POTEI: variants seen among roughly 807,000 people sequenced by gnomAD.
POTEI encodes the protein POTE ankyrin domain family, member I.
Under a neutral mutation model 43.4 loss-of-function variants are expected in POTEI, and 14 were observed. The ratio of observed to expected loss-of-function variants is 0.32; its 90% CI spans 0.21 to 0.50. POTEI has a LOEUF of 0.50. POTEI is among the 20% of genes least tolerant of loss of function. POTEI has a pLI of 0.98. For synonymous variants in POTEI, 95 were observed against 297.9 expected (o/e 0.32, Z 7.01); for missense variants, 235 against 795.4 (o/e 0.30, Z 8.47).
At chr2:130,502,030 A>C (rs1455493786) in intron 3 of POTEI, among the ~76,000 whole-genome samples, 3 of 41,230 alleles carry the variant, frequency 7.3e-5, no homozygotes, top group Non-Finnish European at 2.0e-4. Flanking sequence ...TTATGTATTG[A>C]GTGGTTCTTA....
In POTEI at chr2:130,461,226, G is replaced by T. The variant is rs1442379752; in HGVS notation, c.*1590C>A. On this transcript the variant is annotated 3_prime_UTR_variant, in exon 15 of 15. Coordinates refer to ENST00000451531, the MANE Select transcript of POTEI (RefSeq NM_001277406.2). ...TTTTATAGAGCAGCTGTGCTGTGCT[G>T]GGGGTTCACTTCAGCCCCTGGTCCG... 6.6e-6 allele frequency: 1 copy of T among 151,298 alleles called. No individual in the cohort carries two copies. The highest frequency in any genetic ancestry group is 1.5e-5 in the Non-Finnish European group (1 of 68,022). 9.4% of individuals were successfully genotyped at this position (151,298 alleles called of 1,614,324 possible).
chr2:130,477,097 C>T (rs1683218793), intron 10 of POTEI, among the ~76,000 whole-genome samples: 1 of 151,104 alleles, frequency 6.6e-6, no homozygotes, highest in South Asian at 2.1e-4. Flanking sequence ...ACAACGTCTT[C>T]CTAATATCTA....
chr2:130,468,692 A>G (rs1216902591), intron 13 of POTEI, among the ~76,000 whole-genome samples: 1 of 127,524 alleles, frequency 7.8e-6, no homozygotes, highest in Non-Finnish European at 1.7e-5. Flanking sequence ...AGAAACACAA[A>G]GCCAAACTAT....
At chr2:130,484,189 C>T (rs1381602856) in intron 9 of POTEI, among the ~76,000 whole-genome samples, 1 of 149,896 alleles carries the variant, frequency 6.7e-6, no homozygotes, top group Non-Finnish European at 1.5e-5. Flanking sequence ...AGAGTCCCTG[C>T]TGAGAAAGGG....
At position 130,461,494 on chromosome 2, in the gene POTEI, C is replaced by T. The variant is rs1426618468; in HGVS notation, c.*1322G>A. Reference sequence around the variant, plus strand: ...GTTTTGGTAGCGTGGCTGTGCTGTGCTGAGGTACCTCTTCCACCCCTTGTC... The same window carrying T: ...GTTTTGGTAGCGTGGCTGTGCTGTGTTGAGGTACCTCTTCCACCCCTTGTC... On this transcript the variant is annotated 3_prime_UTR_variant, in exon 15 of 15. Transcript: ENST00000451531. 2 of 152,288 alleles carry T rather than the reference C, an allele frequency of 1.3e-5. No homozygotes were observed. Among genetic ancestry groups the T allele is most frequent in the Admixed American group, 6.5e-5 (1 of 15,292 alleles). 9.4% of individuals were successfully genotyped at this position (152,288 alleles called of 1,614,324 possible).
chr2:130,492,903 A>G (rs1268919118), intron 6 of POTEI, among the ~76,000 whole-genome samples: 2 of 151,686 alleles, frequency 1.3e-5, no homozygotes, highest in African/African-American at 2.4e-5. Flanking sequence ...ATTTCTATCT[A>G]GTCTTCCTAC....
intron 1 of POTEI, 117 bp downstream of exon 1, chr2:130,508,598 C>T: frequency 1.6e-6 from 1 of 615,980 alleles, no homozygotes; most frequent in Non-Finnish European, 2.3e-6. Flanking sequence ...TTTCCACAAC[C>T]AGGGTGCTGT....
chr2:130,464,590 C>T (rs1324245389), intron 14 of POTEI, among the ~76,000 whole-genome samples: 2 of 150,822 alleles, frequency 1.3e-5, no homozygotes, highest in Non-Finnish European at 2.9e-5. Flanking sequence ...CTTAGCTATG[C>T]ATATATTTGG....
intron 10 of POTEI, among the ~76,000 whole-genome samples, chr2:130,479,327 A>C (rs1683317079): frequency 1.3e-5 from 2 of 149,464 alleles, no homozygotes; most frequent in South Asian, 4.3e-4. Flanking sequence ...CAACATAGTA[A>C]AATGAGTAAC....
chr2:130,478,961 T>C (rs1480879065), intron 10 of POTEI, among the ~76,000 whole-genome samples: 4 of 103,250 alleles, frequency 3.9e-5, no homozygotes, highest in Admixed American at 3.2e-4. Context: ...AATATTCCAT[T>C]AAACATGCAT....
In POTEI at chr2:130,462,224, T is replaced by G. The variant is rs1471520745; in HGVS notation, c.*592A>C. ...CTGAAATACTGTGCTTCCTCAATTT[T>G]TTTTAAGGTGTGCACTTTTATCCAA... On this transcript the variant is annotated 3_prime_UTR_variant, in exon 15 of 15. Transcript: ENST00000451531. 3.8e-4 allele frequency: 52 copies of G among 137,018 alleles called. No homozygotes were observed. Among genetic ancestry groups the G allele is most frequent in the African/African-American group, 8.8e-4 (32 of 36,448 alleles). 8.5% of individuals were successfully genotyped at this position (137,018 alleles called of 1,614,324 possible).
intron 1 of POTEI, among the ~76,000 whole-genome samples, chr2:130,507,427 TATATC>T (rs1684220716): frequency 9.3e-6 from 1 of 108,072 alleles, no homozygotes; most frequent in Non-Finnish European, 1.9e-5. Flanking sequence ...TATATATATA[TATATC>T]TGCGTATATA....
chr2:130,480,530 T>A (rs1683376134), intron 10 of POTEI, among the ~76,000 whole-genome samples: 1 of 145,368 alleles, frequency 6.9e-6, no homozygotes. Context: ...TCACTCCATG[T>A]TCCTTCTGCC....
rs565015017 is a variant in POTEI at position 130,460,111 on chromosome 2, T to G, written c.*2705A>C. 6.6e-6 allele frequency: 1 copy of G among 150,960 alleles called. No individual in the cohort carries two copies. The highest frequency in any genetic ancestry group is 1.5e-5 in the Non-Finnish European group (1 of 68,012). The allele number at this position is 150,960 out of a possible 1,614,324, so 9.4% of individuals were successfully genotyped here. A position where few individuals can be genotyped will look rare whatever the true frequency, so the allele number is the denominator to read the frequency against. ...ACCTTGCTGCAGCTCTCCACTGATA[T>G]GGTACAGTCCACTAGCACGGAAGCT... On this transcript the variant is annotated 3_prime_UTR_variant, in exon 15 of 15. Coordinates refer to ENST00000451531, the MANE Select transcript of POTEI (RefSeq NM_001277406.2).
rs1187935397 is a variant in POTEI at position 130,508,826 on chromosome 2, C to T, written c.410G>A (p.Arg137Gln). 8.5e-6 allele frequency: 13 copies of T among 1,530,554 alleles called. No individual in the cohort carries two copies. Among genetic ancestry groups the T allele is most frequent in the Admixed American group, 1.9e-5 (1 of 51,742 alleles). 94.8% of individuals were successfully genotyped at this position (1,530,554 alleles called of 1,614,324 possible). The change falls in exon 1 of 15, where the codon CGA (arginine) becomes CAA (glutamine). Residue 137 changes from arginine to glutamine, a missense_variant. Arg to Gln is a conservative substitution (Grantham distance 43, BLOSUM62 1). Coordinates refer to ENST00000451531, the MANE Select transcript of POTEI (RefSeq NM_001277406.2). Reference protein sequence around the residue: ...AFVEPRYHVRREDLDKLHRAA... With the variant: ...AFVEPRYHVRQEDLDKLHRAA... Reference sequence around the variant, plus strand: ...TCTGTGGAGCTTGTCCAGATCTTCTCGACGGACGTGGTATCTCGGCTCCAC... The same window carrying T: ...TCTGTGGAGCTTGTCCAGATCTTCTTGACGGACGTGGTATCTCGGCTCCAC...
chr2:130,474,038 T>G (rs2579465), intron 13 of POTEI, among the ~76,000 whole-genome samples: 1 of 146,026 alleles, frequency 6.8e-6, no homozygotes, highest in African/African-American at 2.7e-5. Context: ...ATTTTGTTTA[T>G]TATGTGGCTG....
intron 10 of POTEI, among the ~76,000 whole-genome samples, chr2:130,479,198 C>G (rs1683309967): frequency 3.4e-5 from 5 of 148,266 alleles, no homozygotes; most frequent in Admixed American, 3.4e-4. Flanking sequence ...CCCACTGCCA[C>G]TGGGAACATA....
intron 13 of POTEI, among the ~76,000 whole-genome samples, chr2:130,467,523 G>A (rs1682871158): frequency 1.5e-5 from 2 of 137,336 alleles, no homozygotes; most frequent in Admixed American, 7.2e-5. Flanking sequence ...CAAGATGGAT[G>A]AAAGGCCTAA....
chr2:130,483,746 C>T (rs1158450453), intron 9 of POTEI, among the ~76,000 whole-genome samples: 11 of 149,162 alleles, frequency 7.4e-5, no homozygotes, highest in Middle Eastern at 3.4e-3. Flanking sequence ...AGGCGCATGC[C>T]ACCACACCCG....
Sources: allele counts gnomAD v4.1 joint callset (sites outside exome capture counted in the v4.1 genomes callset), GRCh38; gene constraint gnomAD v4.1.1; transcripts MANE v1.5; gene names NCBI Gene and HGNC (gene_info 2026-07-23, HGNC 2026-07-21).